Variants in AGBL4 observed in about 807,000 individuals in gnomAD.
The protein encoded by AGBL4 is AGBL carboxypeptidase 4.
A neutral mutation model predicts 66.4 loss-of-function variants in AGBL4; 58 were observed. The observed-to-expected ratio is 0.87, with a 90% CI of 0.71 to 1.09. The LOEUF (loss-of-function observed/expected upper bound fraction) is 1.09. AGBL4 is among the 50% of genes least tolerant of loss of function. AGBL4 has a pLI of 0.00. For synonymous variants in AGBL4, 234 were observed against 222.9 expected (o/e 1.05, Z -0.44); for missense variants, 579 against 631.0 (o/e 0.92, Z 0.88).
chr1:48,662,007 G>A (rs1646114995), intron 7 of AGBL4, among the ~76,000 whole-genome samples: 1 of 152,156 alleles, frequency 6.6e-6, no homozygotes, highest in South Asian at 2.1e-4. Flanking sequence ...CATACAAGCT[G>A]GTCGGCTTTG....
At chr1:49,787,839 C>A (rs1287448110) in intron 2 of AGBL4, among the ~76,000 whole-genome samples, 1 of 152,092 alleles carries the variant, frequency 6.6e-6, no homozygotes, top group Non-Finnish European at 1.5e-5. Context: ...TGTTGCCTAC[C>A]AGCTCGCCTG....
At chr1:49,084,575 T>A (rs1159964492) in intron 4 of AGBL4, among the ~76,000 whole-genome samples, 3 of 152,128 alleles carry the variant, frequency 2.0e-5, no homozygotes, top group Admixed American at 6.5e-5. Flanking sequence ...CCCCCATGAT[T>A]CAATTAACTC....
chr1:49,391,768 A>G (rs904472713), intron 3 of AGBL4, among the ~76,000 whole-genome samples: 12 of 152,014 alleles, frequency 7.9e-5, no homozygotes, highest in Middle Eastern at 3.4e-3. Context: ...TCACTGTGTT[A>G]GCCAGGATGG....
intron 2 of AGBL4, among the ~76,000 whole-genome samples, chr1:49,820,794 A>G (rs1385881864): frequency 1.3e-5 from 2 of 152,212 alleles, no homozygotes; most frequent in Non-Finnish European, 2.9e-5. Context: ...ACTAAGATGT[A>G]TAAGAACAGG....
intron 3 of AGBL4, among the ~76,000 whole-genome samples, chr1:49,571,572 C>T (rs991979884): frequency 6.6e-6 from 1 of 152,016 alleles, no homozygotes; most frequent in African/African-American, 2.4e-5. Flanking sequence ...ATTTGTTTCT[C>T]TTGGCTGCCT....
chr1:48,694,090 G>A (rs970722172), intron 6 of AGBL4, among the ~76,000 whole-genome samples: 5 of 151,146 alleles, frequency 3.3e-5, no homozygotes, highest in Non-Finnish European at 7.4e-5. Context: ...CTGTGGTTTG[G>A]GGTGTGGCAG....
intron 5 of AGBL4, among the ~76,000 whole-genome samples, chr1:48,871,341 G>T (rs1324893068): frequency 7.1e-6 from 1 of 141,060 alleles, no homozygotes; most frequent in Non-Finnish European, 1.6e-5. Flanking sequence ...GCCTTCACAT[G>T]TGTAGTAGTG....
chr1:49,282,185 T>A (rs1231110930), intron 3 of AGBL4, among the ~76,000 whole-genome samples: 4 of 152,226 alleles, frequency 2.6e-5, no homozygotes, highest in East Asian at 3.8e-4. Flanking sequence ...AGAGGCGTTC[T>A]GTGTTGAGTG....
At chr1:48,871,270 A>G (rs1342581460) in intron 5 of AGBL4, among the ~76,000 whole-genome samples, 1 of 152,074 alleles carries the variant, frequency 6.6e-6, no homozygotes, top group Non-Finnish European at 1.5e-5. Flanking sequence ...TAATAGGCAG[A>G]CAGGGCCTGA....
At chr1:49,831,834 T>C (rs1392331934) in intron 2 of AGBL4, among the ~76,000 whole-genome samples, 1 of 152,200 alleles carries the variant, frequency 6.6e-6, no homozygotes, top group Non-Finnish European at 1.5e-5. Flanking sequence ...TGTTGAATTT[T>C]ATCAAAGACC....
intron 3 of AGBL4, among the ~76,000 whole-genome samples, chr1:49,521,367 A>T (rs1650251123): frequency 6.6e-6 from 1 of 152,124 alleles, no homozygotes. Context: ...ACTAAACTAT[A>T]AGTTTATAGT....
chr1:49,487,908 T>G (rs908131565), intron 3 of AGBL4, among the ~76,000 whole-genome samples: 1 of 151,842 alleles, frequency 6.6e-6, no homozygotes, highest in Admixed American at 6.6e-5. Flanking sequence ...AACAACTAAA[T>G]GAAGGCAAAG....
chr1:49,350,466 GTGC>G (rs1348584623), intron 3 of AGBL4, among the ~76,000 whole-genome samples: 1 of 152,144 alleles, frequency 6.6e-6, no homozygotes, highest in Non-Finnish European at 1.5e-5. Context: ...GCCTCCCAAA[GTGC>G]TGGGATTACA....
chr1:49,853,380 T>C (rs1646353541), intron 1 of AGBL4, among the ~76,000 whole-genome samples: 1 of 152,116 alleles, frequency 6.6e-6, no homozygotes, highest in Non-Finnish European at 1.5e-5. Context: ...ATCAGTACAC[T>C]TGGGACAGCT....
At chr1:49,212,938 AG>A (rs1378261929) in intron 4 of AGBL4, among the ~76,000 whole-genome samples, 5 of 152,172 alleles carry the variant, frequency 3.3e-5, no homozygotes, top group Non-Finnish European at 7.4e-5. Flanking sequence ...TAATAGCAAA[AG>A]CATTTATTTT....
intron 4 of AGBL4, among the ~76,000 whole-genome samples, chr1:49,135,944 C>G (rs146068343): frequency 3.0e-4 from 46 of 152,260 alleles, no homozygotes; most frequent in African/African-American, 1.1e-3. Context: ...GTGATTGTAA[C>G]TGAATTGTGA....
At chr1:49,257,043 T>A (rs899847148) in intron 3 of AGBL4, among the ~76,000 whole-genome samples, 5 of 151,770 alleles carry the variant, frequency 3.3e-5, no homozygotes, top group African/African-American at 1.2e-4. Context: ...TGTACAGTTT[T>A]TTTTTTTACA....
rs1253096056 is a variant in AGBL4 at position 48,590,951 on chromosome 1, G to C, written c.986C>G (p.Ala329Gly). The C allele has an allele frequency of 6.2e-7, 1 of 1,610,588 alleles. No individual in the cohort carries two copies. The highest frequency in any genetic ancestry group is 1.1e-5 in the South Asian group (1 of 89,712). Residue 329 changes from alanine (A) to glycine (G), a missense_variant, in exon 10 of 14, where the codon GCC (alanine) becomes GGC (glycine). Coordinates refer to ENST00000371839, the MANE Select transcript of AGBL4 (RefSeq NM_032785.4). ...TSLEFYIDIH[A>G]HSTMMNGFMY... ...GAAGCCATTCATCATGGTGGAGTGG[G>C]CATGGATGTCAATATAAAACTCCAG...
At chr1:49,361,258 A>G (rs1166063770) in intron 3 of AGBL4, among the ~76,000 whole-genome samples, 6 of 152,238 alleles carry the variant, frequency 3.9e-5, no homozygotes, top group African/African-American at 9.6e-5. Flanking sequence ...TCTGACAGCC[A>G]TCATCATTCC....
Sources: gnomAD v4.1 joint callset for allele counts (sites outside exome capture counted in the v4.1 genomes callset) on GRCh38, gnomAD v4.1.1 for gene constraint, MANE v1.5 for transcripts, NCBI Gene and HGNC (gene_info 2026-07-23, HGNC 2026-07-21) for gene names.